TACC1: variants seen among roughly 807,000 people sequenced by gnomAD.
TACC1 encodes the protein transforming acidic coiled-coil-containing protein 1.
A neutral mutation model predicts 84.4 loss-of-function variants in TACC1; 48 were observed. The ratio of observed to expected loss-of-function variants is 0.57; its 90% CI spans 0.45 to 0.72. The LOEUF is 0.72. TACC1 is among the 30% of genes least tolerant of loss of function. The pLI, the probability that TACC1 is intolerant of heterozygous loss-of-function variation, is 0.00. For missense variants in TACC1, 920 were observed against 973.0 expected (o/e 0.95, Z 0.72); for synonymous variants, 372 against 376.3 (o/e 0.99, Z 0.13).
intron 2 of TACC1, among the ~76,000 whole-genome samples, chr8:38,791,235 C>G (rs1002440817): frequency 2.0e-5 from 3 of 151,566 alleles, no homozygotes; most frequent in Non-Finnish European, 4.4e-5. Context: ...CCTTCCTGTA[C>G]CAGTGACTCT....
chr8:38,823,183 G>A (rs1827259069), intron 3 of TACC1, among the ~76,000 whole-genome samples: 1 of 152,224 alleles, frequency 6.6e-6, no homozygotes, highest in Non-Finnish European at 1.5e-5. Context: ...AGAAAGTAGA[G>A]AGATATAGGA....
intron 5 of TACC1, among the ~76,000 whole-genome samples, chr8:38,830,599 C>T (rs1256621224): frequency 6.6e-6 from 1 of 151,924 alleles, no homozygotes; most frequent in Non-Finnish European, 1.5e-5. Flanking sequence ...CATCCTCTAC[C>T]CTAGTAGAGT....
Position 38,819,919 on chromosome 8 carries a change from CAGA to C in TACC1, c.681_683del (p.Arg227del), listed in dbSNP as rs764846612. On this transcript the variant is annotated inframe_deletion, in exon 3 of 13. Coordinates refer to ENST00000317827, the MANE Select transcript of TACC1 (RefSeq NM_006283.3). ...ACTCCTGTCCAGAGCTTGTGCCCAG[CAGA>C]AGAAGCAAGCTGAGAAAGCCCAAGC... 1 of 1,614,092 alleles carries C rather than the reference CAGA, an allele frequency of 6.2e-7. No individual in the cohort carries two copies. The highest frequency in any genetic ancestry group is 8.5e-7 in the Non-Finnish European group (1 of 1,180,030).
Position 38,787,557 on chromosome 8 carries a change from G to A in TACC1, c.-26G>A, listed in dbSNP as rs775863259. Reference sequence around the variant, plus strand: ...TCCCCACCCATTCCCCTGCCCCTAGGAGCTGGAGCCGGAGGAGCCGCGCTC... The same window carrying A: ...TCCCCACCCATTCCCCTGCCCCTAGAAGCTGGAGCCGGAGGAGCCGCGCTC... On this transcript the variant is annotated 5_prime_UTR_variant, in exon 1 of 13. Transcript: ENST00000317827. 2.2e-5 allele frequency: 34 copies of A among 1,530,092 alleles called. No homozygotes were observed. In the South Asian group the frequency reaches 3.5e-4, roughly 16 times the overall value. The allele number at this position is 1,530,092 out of a possible 1,614,324, so 94.8% of individuals were successfully genotyped here.
At chr8:38,845,780 G>T (rs948648016) in intron 11 of TACC1, among the ~76,000 whole-genome samples, 1 of 152,222 alleles carries the variant, frequency 6.6e-6, no homozygotes, top group Non-Finnish European at 1.5e-5. Context: ...CACATTGCCC[G>T]CCACAAGGCA....
Position 38,820,027 on chromosome 8 carries a change from G to A in TACC1, c.783G>A (p.Lys261=), listed in dbSNP as rs1826336965. Residue 261 remains lysine, a synonymous_variant, in exon 3 of 13, where the codon AAG becomes AAA. Coordinates refer to ENST00000317827, the MANE Select transcript of TACC1 (RefSeq NM_006283.3). ...NAAVEGTPLP[K]ASYHFSPEEL... is the part of the protein sequence containing the mutation. ...CTGTGGAGGGCACACCTCTCCCCAA[G>A]GCATCCTATCACTTCAGTCCTGAAG... 6.2e-7 allele frequency: 1 copy of A among 1,614,020 alleles called. No homozygotes were observed. The highest frequency in any genetic ancestry group is 8.5e-7 in the Non-Finnish European group (1 of 1,180,030).
At chr8:38,766,608 C>CT (rs1264142359) in intron 3 of TACC1, among the ~76,000 whole-genome samples, 4 of 152,294 alleles carry the variant, frequency 2.6e-5, no homozygotes, top group African/African-American at 7.2e-5. Context: ...TATGATCGAA[C>CT]TTTTAGGGAT....
At chr8:38,757,361 G>C in intron 3 of TACC1, 1 of 1,266,052 alleles carries the variant, frequency 7.9e-7, no homozygotes, top group Non-Finnish European at 1.0e-6. Context: ...CAGACCCCGA[G>C]GGGCCGGGAA....
At chr8:38,788,305 G>T (rs572994769) in intron 1 of TACC1, 1 of 178,750 alleles carries the variant, frequency 5.6e-6, no homozygotes, top group African/African-American at 2.4e-5. Flanking sequence ...GAGGCCTACC[G>T]AGCAAAGAGG....
chr8:38,820,158 C>T lies in TACC1; in HGVS notation c.914C>T (p.Ser305Leu). The T allele has an allele frequency of 6.2e-7, 1 of 1,614,156 alleles. No individual in the cohort carries two copies. Among genetic ancestry groups the T allele is most frequent in the Non-Finnish European group, 8.5e-7 (1 of 1,180,030 alleles). Residue 305 changes from serine to leucine, a missense_variant, in exon 3 of 13, where the codon TCA becomes TTA. Physicochemically the swap from Ser to Leu is moderately radical, Grantham distance 145. Around this residue, in one of 2 missense-constraint regions of TACC1, gnomAD observed 762 missense variants for 747.3 expected, o/e 1.02. Transcript: ENST00000317827. ...PGTLSSDTND[S>L]GVELGEESRS... ...ACTCTCAGTAGTGACACCAACGACT[C>T]AGGGGTTGAGCTGGGGGAGGAGTCG...
At chr8:38,732,967 C>A (rs1458980355) in intron 1 of TACC1, among the ~76,000 whole-genome samples, 1 of 152,102 alleles carries the variant, frequency 6.6e-6, no homozygotes, top group African/African-American at 2.4e-5. Context: ...CTAGTGTGGG[C>A]AAAACACACT....
chr8:38,844,706 A>G (rs916606552), intron 11 of TACC1, among the ~76,000 whole-genome samples: 72 of 152,102 alleles, frequency 4.7e-4, no homozygotes, highest in Admixed American at 2.0e-4. Flanking sequence ...GCGTCCACCT[A>G]TAGTGTTTTT....
chr8:38,786,889 T>A (rs183432908), upstream of TACC1, among the ~76,000 whole-genome samples: 7 of 151,480 alleles, frequency 4.6e-5, no homozygotes, highest in East Asian at 1.2e-3. Flanking sequence ...CGCCGTGAAG[T>A]CACAGTGGCA....
At chr8:38,842,884 G>A (rs1246835583) in intron 10 of TACC1, among the ~76,000 whole-genome samples, 1 of 152,208 alleles carries the variant, frequency 6.6e-6, no homozygotes, top group Non-Finnish European at 1.5e-5. Context: ...TTCAAATTTA[G>A]ATGTAAATGG....
intron 5 of TACC1, chr8:38,827,697 A>G (rs1828405480): frequency 9.9e-6 from 3 of 303,668 alleles, no homozygotes; most frequent in African/African-American, 2.2e-5. Context: ...CGTTGCTGTA[A>G]AGGAATACCT....
chr8:38,807,903 T>A (rs1430631100), intron 2 of TACC1, among the ~76,000 whole-genome samples: 1 of 152,234 alleles, frequency 6.6e-6, no homozygotes. Context: ...ATAGTCTTTA[T>A]CCTGAATAAG....
intron 11 of TACC1, among the ~76,000 whole-genome samples, chr8:38,844,035 T>C (rs572741588): frequency 2.0e-5 from 3 of 152,362 alleles, no homozygotes; most frequent in East Asian, 1.9e-4. Context: ...CTAGATAATA[T>C]ATGAGAGCAT....
chr8:38,733,303 CTT>C (rs113616267), intron 1 of TACC1, among the ~76,000 whole-genome samples: 2 of 146,202 alleles, frequency 1.4e-5, no homozygotes, highest in African/African-American at 2.5e-5. Flanking sequence ...AATTGATCCT[CTT>C]TTTTTTTTTT....
chr8:38,804,052 ATAG>A (rs1429570990), intron 2 of TACC1, among the ~76,000 whole-genome samples: 1 of 152,094 alleles, frequency 6.6e-6, no homozygotes, highest in Non-Finnish European at 1.5e-5. Context: ...ACAGTTACTT[ATAG>A]TATTTTTTCT....
Sources: allele counts gnomAD v4.1 joint callset (sites outside exome capture counted in the v4.1 genomes callset), GRCh38; gene constraint gnomAD v4.1.1; regional missense constraint gnomAD v4.1.1; transcripts MANE v1.5; gene names NCBI Gene and HGNC (gene_info 2026-07-23, HGNC 2026-07-21).